The following PLEKHM3 variants were observed in gnomAD, a reference collection of about 807,000 sequenced individuals.
PLEKHM3 encodes pleckstrin homology domain containing M3.
Under a neutral mutation model 81.8 loss-of-function variants are expected in PLEKHM3, and 45 were observed. That is an observed-to-expected ratio of 0.55 (90% CI 0.43 to 0.71). PLEKHM3 has a LOEUF of 0.71. Ranked by LOEUF, PLEKHM3 falls within the 30% of genes least tolerant of loss-of-function variation. PLEKHM3 has a pLI of 0.00. For missense variants in PLEKHM3, 788 were observed against 924.3 expected (o/e 0.85, Z 1.91); for synonymous variants, 352 against 356.4 (o/e 0.99, Z 0.14).
chr2:207,939,690 TGA>T (rs1373707387), intron 4 of PLEKHM3, among the ~76,000 whole-genome samples: 3 of 152,146 alleles, frequency 2.0e-5, no homozygotes, highest in African/African-American at 4.8e-5. Context: ...AAACTAAGAC[TGA>T]GAGAGAGTAA....
intron 3 of PLEKHM3, among the ~76,000 whole-genome samples, chr2:207,961,518 G>C (rs987139515): frequency 6.6e-6 from 1 of 152,160 alleles, no homozygotes; most frequent in Non-Finnish European, 1.5e-5. Context: ...TATATGGTAA[G>C]TACGACATTT....
chr2:207,901,075 G>C, intron 6 of PLEKHM3: 1 of 594,022 alleles, frequency 1.7e-6, no homozygotes, highest in Non-Finnish European at 3.0e-6. Flanking sequence ...GTCTCTACCT[G>C]AGGGGCTCGA....
chr2:207,948,931 A>G (rs891169008), intron 3 of PLEKHM3, among the ~76,000 whole-genome samples: 1 of 150,486 alleles, frequency 6.6e-6, no homozygotes, highest in Non-Finnish European at 1.5e-5. Flanking sequence ...CCTGCCTTGG[A>G]CTCCCAAAGT....
chr2:207,854,828 A>G (rs942088645), intron 7 of PLEKHM3, among the ~76,000 whole-genome samples: 2 of 152,202 alleles, frequency 1.3e-5, no homozygotes, highest in African/African-American at 4.8e-5. Context: ...GAGATATGCT[A>G]ATGTGGTTAT....
chr2:208,015,648 A>G (rs1229654325), intron 1 of PLEKHM3, among the ~76,000 whole-genome samples: 1 of 152,182 alleles, frequency 6.6e-6, no homozygotes, highest in Non-Finnish European at 1.5e-5. Flanking sequence ...GCAAGAGTAT[A>G]ATAACTGTGA....
chr2:207,880,300 G>C (rs970467012), intron 6 of PLEKHM3, among the ~76,000 whole-genome samples: 2 of 152,024 alleles, frequency 1.3e-5, no homozygotes, highest in African/African-American at 2.4e-5. Flanking sequence ...CCAGCTACTG[G>C]GGAGGCTGAG....
intron 4 of PLEKHM3, among the ~76,000 whole-genome samples, chr2:207,932,301 T>C (rs1689622940): frequency 6.6e-6 from 1 of 152,168 alleles, no homozygotes; most frequent in African/African-American, 2.4e-5. Context: ...GGGAGTGGCT[T>C]AAATAATGCA....
At chr2:207,830,120 C>T (rs2092277016) in intron 7 of PLEKHM3, among the ~76,000 whole-genome samples, 1 of 152,070 alleles carries the variant, frequency 6.6e-6, no homozygotes, top group South Asian at 2.1e-4. Flanking sequence ...ACTTCCTGCA[C>T]CCAGCAGCTC....
chr2:207,971,389 C>T (rs575098722), intron 3 of PLEKHM3, among the ~76,000 whole-genome samples: 2 of 151,986 alleles, frequency 1.3e-5, no homozygotes, highest in Non-Finnish European at 2.9e-5. Context: ...AACAATAATA[C>T]GTAGTTTCAA....
At chr2:207,946,533 A>G (rs771969871) in intron 3 of PLEKHM3, 21 bp from the exon 4 acceptor site, 29 of 1,611,586 alleles carry the variant, frequency 1.8e-5, no homozygotes, top group Non-Finnish European at 2.2e-5. Flanking sequence ...AAAAAGGAAG[A>G]GTCTATGATT....
At chr2:207,834,163 CTT>C (rs2092304371) in intron 7 of PLEKHM3, among the ~76,000 whole-genome samples, 1 of 141,312 alleles carries the variant, frequency 7.1e-6, no homozygotes, top group Non-Finnish European at 1.5e-5. Flanking sequence ...AGTTTTTGCT[CTT>C]GTTGGCCAGG....
chr2:207,887,728 G>A lies in PLEKHM3; in HGVS notation c.1950+20786C>T, dbSNP rs1348144291. On this transcript the variant is annotated intron_variant, in intron 6 of 7. Transcript: ENST00000427836. ...GACATATATTAACATATCTAAGCTT[G>A]TTGCCTTTCATGTGTCTCATCCCTT... 2.0e-5 allele frequency among the ~76,000 whole-genome samples: 3 copies of A among 152,150 alleles called. No homozygotes were observed. The East Asian group carries it at 5.8e-4, about 29-fold the overall frequency.
At chr2:208,008,179 A>C (rs1692561701) in intron 1 of PLEKHM3, among the ~76,000 whole-genome samples, 1 of 152,124 alleles carries the variant, frequency 6.6e-6, no homozygotes, top group South Asian at 2.1e-4. Flanking sequence ...TCAAGGTCGT[A>C]GTAAGCTGTG....
intron 6 of PLEKHM3, among the ~76,000 whole-genome samples, chr2:207,891,635 T>G (rs544066702): frequency 2.4e-4 from 36 of 152,258 alleles, no homozygotes; most frequent in Admixed American, 8.5e-4. Flanking sequence ...GACCGAGCAG[T>G]CCTAAAGAAA....
intron 7 of PLEKHM3, among the ~76,000 whole-genome samples, chr2:207,849,719 T>C (rs1226366928): frequency 6.6e-6 from 1 of 152,200 alleles, no homozygotes; most frequent in Non-Finnish European, 1.5e-5. Context: ...TAGAAAGCTT[T>C]AGTGTTACCT....
chr2:207,907,483 C>T (rs1688649025), intron 6 of PLEKHM3, among the ~76,000 whole-genome samples: 1 of 151,308 alleles, frequency 6.6e-6, no homozygotes, highest in African/African-American at 2.4e-5. Context: ...GCCTGGGCGA[C>T]AGAGCAAGAC....
chr2:207,881,526 G>A (rs1158503130), intron 6 of PLEKHM3, among the ~76,000 whole-genome samples: 1 of 152,178 alleles, frequency 6.6e-6, no homozygotes, highest in Non-Finnish European at 1.5e-5. Flanking sequence ...AAAGGCTAAG[G>A]TCTGAATCTC....
At position 207,828,310 on chromosome 2, in the gene PLEKHM3, C is replaced by T. The variant is rs373381345; in HGVS notation, c.*9G>A. On this transcript the variant is annotated 3_prime_UTR_variant, in exon 8 of 8. Transcript: ENST00000427836. ...ATTGGTGAATCCCTGGCCTTCGGGT[C>T]GGCTGGAGTCAGGTGTTCTGGTAGG... 1.2e-5 allele frequency: 20 copies of T among 1,601,808 alleles called. No individual in the cohort carries two copies. Among genetic ancestry groups the T allele is most frequent in the Non-Finnish European group, 1.5e-5 (18 of 1,172,902 alleles).
At chr2:207,982,211 TC>T in intron 2 of PLEKHM3, among the ~76,000 whole-genome samples, 1 of 143,574 alleles carries the variant, frequency 7.0e-6, no homozygotes, top group Admixed American at 6.8e-5. Flanking sequence ...CTTCCTTCGT[TC>T]CTCCCTCCCT....
Sources: allele counts gnomAD v4.1 joint callset (sites outside exome capture counted in the v4.1 genomes callset), GRCh38; gene constraint gnomAD v4.1.1; transcripts MANE v1.5; gene names NCBI Gene and HGNC (gene_info 2026-07-23, HGNC 2026-07-21).